AK5: variants seen among roughly 807,000 people sequenced by gnomAD.
The protein encoded by AK5 is adenylate kinase 5.
AK5 carries 27 observed loss-of-function variants against 69.5 expected under a neutral mutation model. The observed-to-expected ratio is 0.39, with a 90% CI of 0.29 to 0.54. The LOEUF (loss-of-function observed/expected upper bound fraction) is 0.54. AK5 is among the 20% of genes least tolerant of loss of function. AK5 has a pLI of 0.71. For missense variants in AK5, 531 were observed against 700.4 expected (o/e 0.76, Z 2.73); for synonymous variants, 260 against 244.4 (o/e 1.06, Z -0.60).
At chr1:77,407,973 T>A (rs1214827864) in intron 6 of AK5, among the ~76,000 whole-genome samples, 1 of 152,222 alleles carries the variant, frequency 6.6e-6, no homozygotes, top group East Asian at 1.9e-4. Flanking sequence ...CATTCTTTTT[T>A]ATGGCTGTGT....
chr1:77,339,836 G>A (rs943228787), intron 5 of AK5, among the ~76,000 whole-genome samples: 1 of 151,692 alleles, frequency 6.6e-6, no homozygotes, highest in African/African-American at 2.4e-5. Flanking sequence ...TGGTCAGGCT[G>A]GTATTGAACT....
chr1:77,458,519 A>G (rs774854383), intron 8 of AK5, among the ~76,000 whole-genome samples: 21 of 152,230 alleles, frequency 1.4e-4, no homozygotes, highest in Non-Finnish European at 2.6e-4. Flanking sequence ...GGTTTAATGG[A>G]GAACTCACAG....
chr1:77,451,864 G>C (rs1227848317), intron 8 of AK5, among the ~76,000 whole-genome samples: 1 of 152,166 alleles, frequency 6.6e-6, no homozygotes, highest in Non-Finnish European at 1.5e-5. Context: ...AAATCTGTAA[G>C]GTACCCATTT....
chr1:77,368,242 TATATATATATA>T, intron 6 of AK5, among the ~76,000 whole-genome samples: 1 of 12,726 alleles, frequency 7.9e-5, no homozygotes, highest in South Asian at 2.4e-3. Flanking sequence ...TATATATATA[TATATATATATA>T]ATATATATGT....
At chr1:77,494,292 G>T (rs1259739251) in intron 10 of AK5, among the ~76,000 whole-genome samples, 3 of 152,204 alleles carry the variant, frequency 2.0e-5, no homozygotes, top group Non-Finnish European at 4.4e-5. Context: ...AATGTTCCTT[G>T]TCTGTGTTAT....
intron 8 of AK5, among the ~76,000 whole-genome samples, chr1:77,464,652 G>A (rs563882384): frequency 1.9e-4 from 29 of 152,224 alleles, no homozygotes; most frequent in East Asian, 1.4e-3. Flanking sequence ...ATAAGCCTAC[G>A]GGATAGGCTG....
At chr1:77,368,761 G>A in intron 6 of AK5, among the ~76,000 whole-genome samples, 1 of 152,070 alleles carries the variant, frequency 6.6e-6, no homozygotes, top group Middle Eastern at 3.2e-3. Context: ...TCCACTTGTG[G>A]CATCATGGCA....
At chr1:77,388,098 AT>A (rs2100518330) in intron 6 of AK5, among the ~76,000 whole-genome samples, 1 of 152,304 alleles carries the variant, frequency 6.6e-6, no homozygotes, top group South Asian at 2.1e-4. Flanking sequence ...TAACAATCAT[AT>A]TGTTTGAAAG....
intron 10 of AK5, among the ~76,000 whole-genome samples, chr1:77,495,018 G>C (rs917156370): frequency 6.6e-6 from 1 of 151,964 alleles, no homozygotes; most frequent in African/African-American, 2.4e-5. Flanking sequence ...TCCTGACCTC[G>C]TGATCTGCCT....
intron 12 of AK5, among the ~76,000 whole-genome samples, chr1:77,525,807 A>G (rs1333857141): frequency 6.6e-6 from 1 of 152,178 alleles, no homozygotes; most frequent in Non-Finnish European, 1.5e-5. Flanking sequence ...ATTGGTCTAT[A>G]TATCTGTCTT....
chr1:77,526,201 G>A (rs537017616), intron 12 of AK5, among the ~76,000 whole-genome samples: 54 of 152,308 alleles, frequency 3.5e-4, no homozygotes, highest in African/African-American at 1.3e-3. Flanking sequence ...CAAGGCCTGT[G>A]CAGGGCTGGG....
intron 6 of AK5, 28 bp downstream of exon 6, chr1:77,340,596 A>G (rs771705877): frequency 1.3e-6 from 2 of 1,596,336 alleles, no homozygotes; most frequent in East Asian, 2.2e-5. Context: ...TTACAAGTCC[A>G]ATACAAGAGC....
intron 6 of AK5, among the ~76,000 whole-genome samples, chr1:77,377,668 G>A (rs1647336958): frequency 6.6e-6 from 1 of 152,108 alleles, no homozygotes; most frequent in East Asian, 1.9e-4. Context: ...GTAAAATGAG[G>A]ATCTCTTAGC....
At chr1:77,476,824 A>G (rs569782313) in intron 8 of AK5, among the ~76,000 whole-genome samples, 32 of 152,190 alleles carry the variant, frequency 2.1e-4, no homozygotes, top group African/African-American at 7.5e-4. Flanking sequence ...ACATGCTGAA[A>G]ACACTCTAAG....
At position 77,367,397 on chromosome 1, in the gene AK5, T is replaced by C. The variant is rs565255660; in HGVS notation, c.891+26829T>C. Among the ~76,000 whole-genome samples, 484 of 150,120 alleles carry C rather than the reference T, an allele frequency of 3.2e-3. 1 individual carries two copies. The highest frequency in any genetic ancestry group is 0.011 in the African/African-American group (454 of 40,742). ...AGGCTGCAGTGCAGTGGAGCAACCATGGCCCACTGAGACCTCCCAGGCTCA... is the reference window on the plus strand; with the variant it reads ...AGGCTGCAGTGCAGTGGAGCAACCACGGCCCACTGAGACCTCCCAGGCTCA... On this transcript the variant is annotated intron_variant, in intron 6 of 13. Transcript: ENST00000354567.
chr1:77,491,543 G>A (rs1444536640), intron 10 of AK5, among the ~76,000 whole-genome samples: 1 of 152,094 alleles, frequency 6.6e-6, no homozygotes, highest in Non-Finnish European at 1.5e-5. Context: ...CTGACCTCGT[G>A]ATCCACCGGC....
At chr1:77,380,308 T>TAAG (rs1229642378) in intron 6 of AK5, among the ~76,000 whole-genome samples, 1 of 152,166 alleles carries the variant, frequency 6.6e-6, no homozygotes, top group Non-Finnish European at 1.5e-5. Flanking sequence ...GATTCTGTGC[T>TAAG]AAGTACTTTA....
chr1:77,408,437 A>C (rs1169260940), intron 6 of AK5, among the ~76,000 whole-genome samples: 1 of 151,896 alleles, frequency 6.6e-6, no homozygotes, highest in Non-Finnish European at 1.5e-5. Flanking sequence ...TTTTTTTGAG[A>C]AGTGTTTATG....
intron 3 of AK5, among the ~76,000 whole-genome samples, chr1:77,295,639 A>T (rs1306168762): frequency 6.6e-6 from 1 of 150,994 alleles, no homozygotes; most frequent in Non-Finnish European, 1.5e-5. Flanking sequence ...TCATCATTTT[A>T]TGATGAGATT....
Sources: gnomAD v4.1 joint callset for allele counts (sites outside exome capture counted in the v4.1 genomes callset) on GRCh38, gnomAD v4.1.1 for gene constraint, MANE v1.5 for transcripts, NCBI Gene and HGNC (gene_info 2026-07-23, HGNC 2026-07-21) for gene names.